The following GABRG3 variants were observed in gnomAD, a reference collection of about 807,000 sequenced individuals.
The protein encoded by GABRG3 is gamma-aminobutyric acid type A receptor subunit gamma3, also known as gamma-aminobutyric acid receptor subunit gamma-3.
A neutral mutation model predicts 48.8 loss-of-function variants in GABRG3; 25 were observed. The ratio of observed to expected loss-of-function variants is 0.51; its 90% CI spans 0.37 to 0.72. The LOEUF (loss-of-function observed/expected upper bound fraction) is 0.72, where lower values mean the gene tolerates loss of function less well. GABRG3 is among the 30% of genes least tolerant of loss of function. The pLI, the probability that GABRG3 is intolerant of heterozygous loss-of-function variation, is 0.00. For synonymous variants in GABRG3, 227 were observed against 217.6 expected (o/e 1.04, Z -0.38); for missense variants, 394 against 577.9 (o/e 0.68, Z 3.26).
chr15:27,299,231 T>G (rs1408929902), intron 3 of GABRG3, among the ~76,000 whole-genome samples: 2 of 151,868 alleles, frequency 1.3e-5, no homozygotes, highest in Non-Finnish European at 2.9e-5. Context: ...TTGCAGTGAG[T>G]CAAGATTGCA....
intron 5 of GABRG3, among the ~76,000 whole-genome samples, chr15:27,463,932 GCAT>G (rs1889526351): frequency 1.3e-5 from 2 of 152,042 alleles, no homozygotes; most frequent in South Asian, 4.1e-4. Context: ...CTCCCATAAG[GCAT>G]CATTGTTCAT....
At chr15:27,176,739 AG>A (rs1225876955) in intron 3 of GABRG3, among the ~76,000 whole-genome samples, 9 of 152,156 alleles carry the variant, frequency 5.9e-5, no homozygotes, top group African/African-American at 1.7e-4. Flanking sequence ...GCATTGATAG[AG>A]GCTGGCATGG....
intron 3 of GABRG3, among the ~76,000 whole-genome samples, chr15:27,073,136 C>T (rs968194458): frequency 2.6e-5 from 4 of 152,196 alleles, no homozygotes; most frequent in African/African-American, 7.2e-5. Context: ...CCATCCAAAG[C>T]ATGATAGGGA....
intron 5 of GABRG3, among the ~76,000 whole-genome samples, chr15:27,410,050 T>C (rs1032472381): frequency 6.6e-6 from 1 of 152,192 alleles, no homozygotes; most frequent in South Asian, 2.1e-4. Flanking sequence ...AGTGTGATGT[T>C]AGATGAAATA....
At position 27,094,297 on chromosome 15, in the gene GABRG3, G is replaced by T. The variant is rs1028709330; in HGVS notation, c.270+67476G>T. ...AGACCAGGGGTCAGAAAGCCGGAGT[G>T]CATGGCCCAAGGCATTTGAGGTGAT... On this transcript the variant is annotated intron_variant, in intron 3 of 9. Coordinates refer to ENST00000615808, the MANE Select transcript of GABRG3 (RefSeq NM_033223.5). Among the ~76,000 whole-genome samples, 3 of 152,174 alleles carry T rather than the reference G, an allele frequency of 2.0e-5. No individual in the cohort carries two copies. The South Asian group carries it at 6.2e-4, about 31-fold the overall frequency.
At chr15:27,007,141 A>G (rs188454136) in intron 2 of GABRG3, among the ~76,000 whole-genome samples, 1 of 151,124 alleles carries the variant, frequency 6.6e-6, no homozygotes, top group Admixed American at 6.6e-5. Context: ...GCACAGTGGC[A>G]TAATCTTGGC....
At chr15:27,426,627 A>G (rs1262237432) in intron 5 of GABRG3, among the ~76,000 whole-genome samples, 1 of 152,222 alleles carries the variant, frequency 6.6e-6, no homozygotes, top group Non-Finnish European at 1.5e-5. Context: ...AGCCTGGACA[A>G]CATAATAAGA....
At chr15:27,432,632 C>G (rs1173844605) in intron 5 of GABRG3, among the ~76,000 whole-genome samples, 1 of 152,192 alleles carries the variant, frequency 6.6e-6, no homozygotes. Context: ...TTCCAGAACA[C>G]ATTTTTCTGA....
intron 5 of GABRG3, among the ~76,000 whole-genome samples, chr15:27,437,167 A>T (rs1888644216): frequency 6.6e-6 from 1 of 151,890 alleles, no homozygotes; most frequent in African/African-American, 2.4e-5. Flanking sequence ...TAACCTGTTA[A>T]AATTGTAGCT....
chr15:27,397,797 G>GA (rs527786898), intron 5 of GABRG3, among the ~76,000 whole-genome samples: 47 of 137,248 alleles, frequency 3.4e-4, no homozygotes, highest in Middle Eastern at 3.7e-3. Flanking sequence ...TTTCTTCTCT[G>GA]AAAAATTTTT....
intron 3 of GABRG3, among the ~76,000 whole-genome samples, chr15:27,172,440 T>C (rs531353918): frequency 6.6e-6 from 1 of 152,234 alleles, no homozygotes; most frequent in South Asian, 2.1e-4. Context: ...GCCACCACCC[T>C]TTCTTTCTCC....
chr15:26,979,196 C>T (rs551320069), intron 2 of GABRG3, among the ~76,000 whole-genome samples: 1 of 152,272 alleles, frequency 6.6e-6, no homozygotes, highest in East Asian at 1.9e-4. Context: ...ACTTGCTGAA[C>T]TTATTAGTTA....
At chr15:27,452,406 TG>T (rs1889137879) in intron 5 of GABRG3, among the ~76,000 whole-genome samples, 2 of 152,228 alleles carry the variant, frequency 1.3e-5, no homozygotes, top group African/African-American at 4.8e-5. Flanking sequence ...ATGGGGATTG[TG>T]GGGGCCAATA....
At chr15:27,007,613 C>G (rs1001987460) in intron 2 of GABRG3, among the ~76,000 whole-genome samples, 1 of 152,160 alleles carries the variant, frequency 6.6e-6, no homozygotes, top group Non-Finnish European at 1.5e-5. Context: ...GCCATTCTGA[C>G]TGGTGTGAGA....
rs563518480 is a variant in GABRG3 at position 27,273,707 on chromosome 15, G to A, written c.271-53102G>A. The stretch of plus-strand genomic sequence containing the variant: ...CAGCTGCTGTATATCAGTGCCTGGT[G>A]CAGTGCCTGGTTCATAGTATCAGTA... On this transcript the variant is annotated intron_variant, in intron 3 of 9. Transcript: ENST00000615808. Among the ~76,000 whole-genome samples the A allele has an allele frequency of 8.8e-4, 134 of 152,332 alleles. 1 individual carries two copies. The highest frequency in any genetic ancestry group is 8.7e-3 in the Admixed American group (133 of 15,302).
At chr15:27,478,916 C>A (rs2150844070) in intron 5 of GABRG3, among the ~76,000 whole-genome samples, 1 of 152,016 alleles carries the variant, frequency 6.6e-6, no homozygotes, top group Non-Finnish European at 1.5e-5. Flanking sequence ...ATCGTATGAT[C>A]CCATTTATAT....
At chr15:27,474,814 A>G (rs1483290885) in intron 5 of GABRG3, among the ~76,000 whole-genome samples, 1 of 151,862 alleles carries the variant, frequency 6.6e-6, no homozygotes, top group Non-Finnish European at 1.5e-5. Context: ...TCACCTCCCT[A>G]CTCTTGAGAA....
At chr15:27,065,190 A>C (rs1378943822) in intron 3 of GABRG3, among the ~76,000 whole-genome samples, 1 of 152,146 alleles carries the variant, frequency 6.6e-6, no homozygotes, top group African/African-American at 2.4e-5. Context: ...ACTCACCATA[A>C]CGAGTGGATG....
At chr15:27,283,806 C>T (rs944672850) in intron 3 of GABRG3, among the ~76,000 whole-genome samples, 2 of 152,144 alleles carry the variant, frequency 1.3e-5, no homozygotes, top group Non-Finnish European at 2.9e-5. Flanking sequence ...GGATCTCTAG[C>T]CCATCTGCTT....
Sources: gnomAD v4.1 joint callset for allele counts (sites outside exome capture counted in the v4.1 genomes callset) on GRCh38, gnomAD v4.1.1 for gene constraint, MANE v1.5 for transcripts, NCBI Gene and HGNC (gene_info 2026-07-23, HGNC 2026-07-21) for gene names.